Variants in SOX6 observed in about 807,000 individuals in gnomAD.
SOX6 encodes the protein SRY-box transcription factor 6.
SOX6 carries 11 observed loss-of-function variants against 97.8 expected under a neutral mutation model. The observed-to-expected ratio is 0.11, with a 90% CI of 0.07 to 0.19. The LOEUF is 0.19. SOX6 is among the 10% of genes least tolerant of loss of function. The pLI is 1.00. For missense variants in SOX6, 810 were observed against 1,039.5 expected (o/e 0.78, Z 3.04); for synonymous variants, 360 against 371.4 (o/e 0.97, Z 0.35).
intron 2 of SOX6, among the ~76,000 whole-genome samples, chr11:16,323,829 T>C (rs1254704228): frequency 6.6e-6 from 1 of 152,098 alleles, no homozygotes; most frequent in Admixed American, 6.6e-5. Context: ...TTCCAGAGCA[T>C]ACAACAAAAT....
intron 3 of SOX6, among the ~76,000 whole-genome samples, chr11:16,247,833 C>T (rs1480974879): frequency 6.6e-6 from 1 of 152,110 alleles, no homozygotes; most frequent in Non-Finnish European, 1.5e-5. Flanking sequence ...CACAACAATG[C>T]CCTTCCCACA....
At chr11:16,141,395 T>C (rs1850136411) in intron 6 of SOX6, among the ~76,000 whole-genome samples, 1 of 152,110 alleles carries the variant, frequency 6.6e-6, no homozygotes, top group Admixed American at 6.6e-5. Flanking sequence ...AGTTCCAAGA[T>C]GGCCAAATAG....
chr11:16,499,988 C>T (rs1177116966), intron 4 of SOX6, among the ~76,000 whole-genome samples: 2 of 152,152 alleles, frequency 1.3e-5, no homozygotes, highest in South Asian at 2.1e-4. Flanking sequence ...GATACCAAAG[C>T]CTGGCAGAGA....
chr11:16,145,445 C>G (rs1397053666), intron 6 of SOX6, among the ~76,000 whole-genome samples: 2 of 152,172 alleles, frequency 1.3e-5, no homozygotes, highest in African/African-American at 4.8e-5. Context: ...TGGCACAAGA[C>G]AGGGATGCCC....
At chr11:16,275,108 A>C (rs1300931661) in intron 3 of SOX6, among the ~76,000 whole-genome samples, 1 of 152,158 alleles carries the variant, frequency 6.6e-6, no homozygotes, top group East Asian at 1.9e-4. Flanking sequence ...GAGTTTTATA[A>C]TACATTTTCT....
chr11:16,081,219 T>C (rs2133955383), intron 9 of SOX6, among the ~76,000 whole-genome samples: 1 of 152,288 alleles, frequency 6.6e-6, no homozygotes, highest in South Asian at 2.1e-4. Context: ...CCCATTCTTT[T>C]GGACTCGTAC....
intron 4 of SOX6, among the ~76,000 whole-genome samples, chr11:16,226,683 T>A (rs954077351): frequency 6.6e-6 from 1 of 152,022 alleles, no homozygotes; most frequent in African/African-American, 2.4e-5. Flanking sequence ...TACAGATGGG[T>A]TATGGGCCCT....
At chr11:16,601,048 G>GA (rs979487548) in intron 4 of SOX6, among the ~76,000 whole-genome samples, 1 of 151,070 alleles carries the variant, frequency 6.6e-6, no homozygotes, top group African/African-American at 2.4e-5. Context: ...TCCTTATTAG[G>GA]AAAAAAAACA....
At chr11:16,466,818 C>A (rs990080352) in intron 1 of SOX6, among the ~76,000 whole-genome samples, 3 of 146,384 alleles carry the variant, frequency 2.0e-5, no homozygotes, top group Admixed American at 6.8e-5. Flanking sequence ...GTAGTCCCAG[C>A]TACTTGGGAG....
intron 1 of SOX6, among the ~76,000 whole-genome samples, chr11:16,388,744 T>C: frequency 6.6e-6 from 1 of 152,166 alleles, no homozygotes; most frequent in East Asian, 1.9e-4. Flanking sequence ...TATTGGTAAG[T>C]TGTGTTTCTT....
chr11:16,042,909 G>A (rs887210942), intron 12 of SOX6, among the ~76,000 whole-genome samples: 2 of 152,144 alleles, frequency 1.3e-5, no homozygotes, highest in Admixed American at 1.3e-4. Context: ...GTTGTGATCA[G>A]TAGGTAATCA....
At chr11:16,522,638 T>C (rs1365050978) in intron 4 of SOX6, among the ~76,000 whole-genome samples, 2 of 151,578 alleles carry the variant, frequency 1.3e-5, no homozygotes, top group Non-Finnish European at 1.5e-5. Flanking sequence ...CAATAATAAC[T>C]TTAAATGTAA....
intron 9 of SOX6, among the ~76,000 whole-genome samples, chr11:16,071,751 T>G (rs1215348986): frequency 6.6e-6 from 1 of 152,112 alleles, no homozygotes; most frequent in Non-Finnish European, 1.5e-5. Context: ...CTGTCGTCCC[T>G]GCCTGAGGGA....
chr11:16,011,246 T>C (rs1228292996), intron 13 of SOX6, among the ~76,000 whole-genome samples: 1 of 152,094 alleles, frequency 6.6e-6, no homozygotes. Flanking sequence ...TCAAGCCCTC[T>C]CTTCCTTACA....
At chr11:16,180,752 T>C (rs1397811139) in intron 6 of SOX6, among the ~76,000 whole-genome samples, 1 of 151,802 alleles carries the variant, frequency 6.6e-6, no homozygotes, top group Non-Finnish European at 1.5e-5. Flanking sequence ...ACGGTTTACT[T>C]GGCTTTAGAA....
chr11:16,632,694 G>A (rs756017193), intron 3 of SOX6, among the ~76,000 whole-genome samples: 6 of 152,234 alleles, frequency 3.9e-5, no homozygotes, highest in Non-Finnish European at 5.9e-5. Flanking sequence ...GCCTAAGCAT[G>A]GAGCAAAGCA....
chr11:16,458,892 G>A (rs10832609), intron 1 of SOX6, among the ~76,000 whole-genome samples: 30,890 of 152,030 alleles, frequency 0.2, 3,385 homozygotes, highest in Admixed American at 0.32. Flanking sequence ...AATAACTTCA[G>A]TGAGTTAAGA....
At chr11:16,165,972 G>T (rs1435244980) in intron 6 of SOX6, among the ~76,000 whole-genome samples, 15 of 151,628 alleles carry the variant, frequency 9.9e-5, no homozygotes, top group Admixed American at 8.5e-4. Flanking sequence ...ACTTATAAAA[G>T]TCCCTAGTAT....
intron 6 of SOX6, among the ~76,000 whole-genome samples, chr11:16,173,581 T>G (rs1200570075): frequency 7.1e-6 from 1 of 140,704 alleles, no homozygotes; most frequent in African/African-American, 2.6e-5. Flanking sequence ...GTTTTTTTGT[T>G]TTTTTTTTTT....
Sources: gnomAD v4.1 joint callset for allele counts (sites outside exome capture counted in the v4.1 genomes callset) on GRCh38, gnomAD v4.1.1 for gene constraint, MANE v1.5 for transcripts, NCBI Gene and HGNC (gene_info 2026-07-23, HGNC 2026-07-21) for gene names.